Variants in TP73 observed in about 807,000 individuals in gnomAD.
TP73 encodes the protein tumor protein p73, also known as p53-like transcription factor.
Under a neutral mutation model 62.5 loss-of-function variants are expected in TP73, and 25 were observed. That is an observed-to-expected ratio of 0.40 (90% CI 0.29 to 0.56). TP73 has a LOEUF of 0.56. Among genes scored for constraint, TP73 ranks in the 20% least tolerant of loss-of-function variants. The probability of loss-of-function intolerance (pLI) is 0.46; values close to 1 mark genes in which losing one functional copy is unlikely to be tolerated. For missense variants in TP73, 754 were observed against 913.3 expected (o/e 0.83, Z 2.25); for synonymous variants, 423 against 377.5 (o/e 1.12, Z -1.40).
chr1:3,729,225 GGA>G lies in TP73; in HGVS notation c.1075-101_1075-100del, dbSNP rs1641928760. 3.3e-6 allele frequency: 5 copies of G among 1,524,808 alleles called. No individual in the cohort carries two copies. The East Asian group carries it at 1.1e-4, about 34-fold the overall frequency. The allele number at this position is 1,524,808 out of a possible 1,614,324, so 94.5% of individuals were successfully genotyped here. A position where few individuals can be genotyped will look rare whatever the true frequency, so the allele number is the denominator to read the frequency against. On this transcript the variant is annotated intron_variant, in intron 9 of 13. Coordinates refer to ENST00000378295, the MANE Select transcript of TP73 (RefSeq NM_005427.4). The stretch of plus-strand genomic sequence containing the variant: ...TGGGGTGCTGGGGAACCCCCAGAAA[GGA>G]CAGATGCTTTGCCAAGCCCAGGTCC...
At chr1:3,654,350 C>G (rs537578722) in intron 1 of TP73, among the ~76,000 whole-genome samples, 3 of 152,068 alleles carry the variant, frequency 2.0e-5, no homozygotes, top group Admixed American at 2.0e-4. Flanking sequence ...CAGTCCTTCT[C>G]GTGAAAGCTA....
chr1:3,657,667 G>A (rs890706039), intron 1 of TP73, among the ~76,000 whole-genome samples: 8 of 152,206 alleles, frequency 5.3e-5, no homozygotes, highest in Non-Finnish European at 1.2e-4. Flanking sequence ...TGGCGCAAAC[G>A]GGGAAGAAAC....
At chr1:3,716,273 TCCTGCAGCC>T (rs1250525854) in intron 4 of TP73, among the ~76,000 whole-genome samples, 1 of 152,196 alleles carries the variant, frequency 6.6e-6, no homozygotes, top group Non-Finnish European at 1.5e-5. Context: ...CACATCTGTC[TCCTGCAGCC>T]CCCCCAGCCA....
intron 4 of TP73, among the ~76,000 whole-genome samples, chr1:3,720,221 C>T (rs2124469099): frequency 6.6e-6 from 1 of 152,330 alleles, no homozygotes; most frequent in Non-Finnish European, 1.5e-5. Context: ...CAGCCCGTTT[C>T]CTGCTTTTCT....
At chr1:3,727,262 C>G (rs1294945019) in intron 7 of TP73, 38 bp downstream of exon 7, 1 of 1,583,830 alleles carries the variant, frequency 6.3e-7, no homozygotes, top group East Asian at 2.2e-5. Flanking sequence ...TGGGACAGGG[C>G]TGGGCAGGCA....
At chr1:3,725,162 G>A (rs1304488054) in intron 6 of TP73, among the ~76,000 whole-genome samples, 1 of 152,154 alleles carries the variant, frequency 6.6e-6, no homozygotes, top group African/African-American at 2.4e-5. Flanking sequence ...CAACACACAC[G>A]TAGGGCCACA....
rs573251403 is a variant in TP73 at position 3,685,709 on chromosome 1, G to A, written c.186+2529G>A. ...CTGCCTTGAGAATGGCCCCTGGCCC[G>A]CTAACTCCAGGGGTCCCAGAGTGGG... On this transcript the variant is annotated intron_variant, in intron 3 of 13. Transcript: ENST00000378295. Among the ~76,000 whole-genome samples the A allele has an allele frequency of 7.9e-5, 12 of 152,338 alleles. No individual in the cohort carries two copies. In the East Asian group the frequency reaches 1.2e-3, roughly 15 times the overall value.
intron 3 of TP73, among the ~76,000 whole-genome samples, chr1:3,687,145 ACAGG>A (rs1348221189): frequency 3.3e-5 from 5 of 152,172 alleles, no homozygotes; most frequent in Non-Finnish European, 7.4e-5. Context: ...TACATGGCTC[ACAGG>A]GACCTCACTC....
chr1:3,698,425 T>C (rs1183668343), intron 3 of TP73, among the ~76,000 whole-genome samples: 1 of 152,134 alleles, frequency 6.6e-6, no homozygotes, highest in African/African-American at 2.4e-5. Flanking sequence ...CTGATGGGGA[T>C]ACAGCCTGGA....
rs1215971137 is a variant in TP73 at position 3,701,209 on chromosome 1, C to T, written c.187-6340C>T. 6.6e-6 allele frequency among the ~76,000 whole-genome samples: 1 copy of T among 152,154 alleles called. No homozygotes were observed. The highest frequency in any genetic ancestry group is 2.4e-5 in the African/African-American group (1 of 41,436). On this transcript the variant is annotated intron_variant, in intron 3 of 13. Coordinates refer to ENST00000378295, the MANE Select transcript of TP73 (RefSeq NM_005427.4). The surrounding 1 kb of genome is among the most constrained non-coding windows in gnomAD (Gnocchi z 4.7). ...AGACCCCGACCCCTGTGAGCACCTG[C>T]CCCCGAGAGCACCTGCTCTTCCCCA...
chr1:3,722,077 G>A lies in TP73; in HGVS notation c.486G>A (p.Gln162=). The A allele has an allele frequency of 6.2e-7, 1 of 1,613,026 alleles. No homozygotes were observed. Among genetic ancestry groups the A allele is most frequent in the South Asian group, 1.1e-5 (1 of 91,080 alleles). Residue 162 remains glutamine, a synonymous_variant, in exon 5 of 14, where the codon CAG becomes CAA. Transcript: ENST00000378295. The part of the protein sequence containing the change: ...YCQIAKTCPI[Q]IKVSTPPPPG... ...AGATCGCCAAGACATGCCCCATCCA[G>A]ATCAAGGTGTCCACCCCGCCACCCC... is the stretch of plus-strand genomic sequence containing the variant.
At chr1:3,713,257 G>A (rs1464713113) in intron 4 of TP73, among the ~76,000 whole-genome samples, 6 of 152,334 alleles carry the variant, frequency 3.9e-5, no homozygotes, top group Non-Finnish European at 7.4e-5. Flanking sequence ...CGAGGCTGGC[G>A]AGCCTCATGG....
chr1:3,684,441 G>A (rs528098116), intron 3 of TP73, among the ~76,000 whole-genome samples: 1 of 152,322 alleles, frequency 6.6e-6, no homozygotes, highest in Non-Finnish European at 1.5e-5. Flanking sequence ...CCCATTCCAG[G>A]AGCTGGAGCC....
In TP73 at chr1:3,735,393, G is replaced by C. The variant is rs769522979; in HGVS notation, c.*2314G>C. On this transcript the variant is annotated 3_prime_UTR_variant, in exon 14 of 14. Coordinates refer to ENST00000378295, the MANE Select transcript of TP73 (RefSeq NM_005427.4). ...GTGTGCTCCTGGGAAGGGCTGGGGG[G>C]GCTGGGGGGGCTGGGAGAGGCCCAG... 2.6e-5 allele frequency: 4 copies of C among 152,182 alleles called. No individual in the cohort carries two copies. The highest frequency in any genetic ancestry group is 4.4e-5 in the Non-Finnish European group (3 of 68,138). 9.4% of individuals were successfully genotyped at this position (152,182 alleles called of 1,614,324 possible). A position where few individuals can be genotyped will look rare whatever the true frequency, so the allele number is the denominator to read the frequency against.
intron 1 of TP73, among the ~76,000 whole-genome samples, chr1:3,657,613 C>T (rs959924398): frequency 6.6e-6 from 1 of 152,230 alleles, no homozygotes; most frequent in Non-Finnish European, 1.5e-5. Flanking sequence ...AAAACATTCT[C>T]CCGGACAAGG....
chr1:3,700,914 G>T (rs1639107442), intron 3 of TP73, among the ~76,000 whole-genome samples: 1 of 152,246 alleles, frequency 6.6e-6, no homozygotes, highest in African/African-American at 2.4e-5. Context: ...GGAGGGTGAT[G>T]ATGGGGCCCA....
Position 3,732,754 on chromosome 1 carries a change from G to A in TP73, c.1586G>A (p.Gly529Glu). The change falls in exon 14 of 14, where the codon GGG becomes GAG. Residue 529 changes from glycine (G) to glutamate (E), a missense_variant. By Grantham distance (98) the Gly-to-Glu change is moderately conservative. Transcript: ENST00000378295. ...TGCGCCGGCCTCTCGCAGGACCTGG[G>A]GGCCCTGAAGATCCCCGAGCAGTAC... ...HLQNLTIEDLGALKIPEQYRM... is the reference protein window; with the variant it reads ...HLQNLTIEDLEALKIPEQYRM... 1.3e-6 allele frequency: 2 copies of A among 1,571,066 alleles called. No homozygotes were observed. The highest frequency in any genetic ancestry group is 1.2e-5 in the South Asian group (1 of 85,120).
chr1:3,691,028 T>A (rs779884818), intron 3 of TP73: 2 of 1,529,106 alleles, frequency 1.3e-6, no homozygotes, highest in East Asian at 4.9e-5. Context: ...AGGGGCATCC[T>A]TCTGCCTGCC....
intron 1 of TP73, among the ~76,000 whole-genome samples, chr1:3,655,114 C>A (rs1469333197): frequency 1.3e-5 from 2 of 152,236 alleles, no homozygotes; most frequent in Non-Finnish European, 2.9e-5. Context: ...AGGCCAGGCG[C>A]CGTGGCCCAC....
Sources: gnomAD v4.1 joint callset for allele counts (sites outside exome capture counted in the v4.1 genomes callset) on GRCh38, gnomAD v4.1.1 for gene constraint, Gnocchi (gnomAD v3.1) non-coding constraint, MANE v1.5 for transcripts, NCBI Gene and HGNC (gene_info 2026-07-23, HGNC 2026-07-21) for gene names.